Variants in PTPN6 observed in about 807,000 individuals in gnomAD.
The protein encoded by PTPN6 is protein tyrosine phosphatase non-receptor type 6.
In PTPN6, 18 loss-of-function variants were observed where a neutral mutation model predicts 81.5. The observed-to-expected ratio is 0.22, with a 90% CI of 0.15 to 0.33. The LOEUF (loss-of-function observed/expected upper bound fraction) is 0.33. PTPN6 is among the 10% of genes least tolerant of loss of function. The pLI is 1.00. For synonymous variants in PTPN6, 301 were observed against 310.9 expected (o/e 0.97, Z 0.33); for missense variants, 500 against 794.2 (o/e 0.63, Z 4.45).
At chr12:6,958,583 C>T (rs1241581998) in intron 11 of PTPN6, among the ~76,000 whole-genome samples, 6 of 152,256 alleles carry the variant, frequency 3.9e-5, no homozygotes, top group African/African-American at 1.4e-4. Context: ...AGGCAGTGCC[C>T]CATCCTGGCC....
chr12:6,951,528 C>T lies in PTPN6; in HGVS notation c.8+8C>T. 1 of 1,613,988 alleles carries T rather than the reference C, an allele frequency of 6.2e-7. No individual in the cohort carries two copies. The highest frequency in any genetic ancestry group is 8.5e-7 in the Non-Finnish European group (1 of 1,179,962). On this transcript the variant is annotated splice_region_variant and intron_variant, in intron 1 of 15. Transcript: ENST00000318974. This position sits in a 1 kb window ranked among gnomAD's most constrained non-coding sequence, Gnocchi z 7.2. Reference sequence around the variant, plus strand: ...AGCCCCCAGGATGGTGAGGTAAGGGCCTGCCACCCACGGTAGACAGGAGGC... The same window carrying T: ...AGCCCCCAGGATGGTGAGGTAAGGGTCTGCCACCCACGGTAGACAGGAGGC...
upstream of PTPN6, chr12:6,946,842 T>C: frequency 7.8e-7 from 1 of 1,287,626 alleles, no homozygotes; most frequent in South Asian, 1.3e-5. Flanking sequence ...GAGTGCGATC[T>C]GCCGCTGCCC....
At position 6,957,537 on chromosome 12, in the gene PTPN6, C is replaced by A. The variant is rs781867603; in HGVS notation, c.1075-117C>A. The A allele has an allele frequency of 1.1e-4, 156 of 1,357,498 alleles. No individual in the cohort carries two copies. Among genetic ancestry groups the A allele is most frequent in the Non-Finnish European group, 1.6e-4 (153 of 983,824 alleles). The allele number at this position is 1,357,498 out of a possible 1,614,324, so 84.1% of individuals were successfully genotyped here. The stretch of plus-strand genomic sequence containing the variant: ...GTCTCCTGCCTCTCTGCCAGCCCAT[C>A]CGTCCATCCAACAAATGTTTGGGCC... On this transcript the variant is annotated intron_variant, in intron 9 of 15. Transcript: ENST00000318974. The surrounding 1 kb of genome is among the most constrained non-coding windows in gnomAD (Gnocchi z 6.5).
chr12:6,946,616 T>G (rs1945821445), upstream of PTPN6: 1 of 866,196 alleles, frequency 1.2e-6, no homozygotes, highest in Non-Finnish European at 1.9e-6. Context: ...AGTGGCTGAT[T>G]ACTGAGCGGT....
chr12:6,959,735 G>A lies in PTPN6; in HGVS notation c.1362-192G>A, dbSNP rs782240560. On this transcript the variant is annotated intron_variant, in intron 11 of 15. Transcript: ENST00000318974. The surrounding 1 kb of genome is among the most constrained non-coding windows in gnomAD (Gnocchi z 6.6). ...AGCCAGCGTCAGCACCGCAGAGCCC[G>A]AGGTGGAGCGTGTCCATGCAGAGCT... 4.6e-6 allele frequency: 3 copies of A among 648,484 alleles called. No homozygotes were observed. Among genetic ancestry groups the A allele is most frequent in the African/African-American group, 1.8e-5 (1 of 55,406 alleles). The allele number at this position is 648,484 out of a possible 1,614,324, so 40.2% of individuals were successfully genotyped here.
Position 6,955,852 on chromosome 12 carries a change from GCC to G in PTPN6, c.844+97_844+98del. 6.8e-6 allele frequency: 8 copies of G among 1,180,340 alleles called. No individual in the cohort carries two copies. The highest frequency in any genetic ancestry group is 1.0e-5 in the Non-Finnish European group (8 of 797,114). The allele number at this position is 1,180,340 out of a possible 1,614,324, so 73.1% of individuals were successfully genotyped here. On this transcript the variant is annotated intron_variant, in intron 7 of 15. Transcript: ENST00000318974. The surrounding 1 kb of genome is among the most constrained non-coding windows in gnomAD (Gnocchi z 7.2). Reference sequence around the variant, plus strand: ...GTCTCCACCCTCCACGCCAGGAGGGGCCATCTCCCCACACCCCCCACAGAGCC... The same window carrying G: ...GTCTCCACCCTCCACGCCAGGAGGGGATCTCCCCACACCCCCCACAGAGCC...
chr12:6,949,632 T>G (rs1945891565), upstream of PTPN6, among the ~76,000 whole-genome samples: 1 of 152,166 alleles, frequency 6.6e-6, no homozygotes, highest in Non-Finnish European at 1.5e-5. Context: ...CTGGCAGCAC[T>G]GAAACCCTGC....
Position 6,960,258 on chromosome 12 carries a change from C to G in PTPN6, c.1581+19C>G. On this transcript the variant is annotated intron_variant, in intron 13 of 15. Coordinates refer to ENST00000318974, the MANE Select transcript of PTPN6 (RefSeq NM_002831.6). The surrounding 1 kb of genome is among the most constrained non-coding windows in gnomAD (Gnocchi z 6.1). Reference sequence around the variant, plus strand: ...CCTGCAGGTGCGTGCAGAGCAGGGCCTGGGGGGGGGGGGGGCTGCAGTGCA... The same window carrying G: ...CCTGCAGGTGCGTGCAGAGCAGGGCGTGGGGGGGGGGGGGGCTGCAGTGCA... 7.4e-7 allele frequency: 1 copy of G among 1,358,066 alleles called. No individual in the cohort carries two copies. Among genetic ancestry groups the G allele is most frequent in the Non-Finnish European group, 9.9e-7 (1 of 1,009,806 alleles). 84.1% of individuals were successfully genotyped at this position (1,358,066 alleles called of 1,614,324 possible). A position where few individuals can be genotyped will look rare whatever the true frequency, so the allele number is the denominator to read the frequency against.
At chr12:6,951,139 A>T, upstream of PTPN6, 1 of 1,002,894 alleles carries the variant, frequency 1.0e-6, no homozygotes. The surrounding 1 kb of genome is among the most constrained non-coding windows in gnomAD (Gnocchi z 7.2). Flanking sequence ...CAAGGCACAC[A>T]TGTGTCCTTA....
Position 6,954,691 on chromosome 12 carries a change from G to T in PTPN6, c.327-114G>T. 9.7e-7 allele frequency: 1 copy of T among 1,028,058 alleles called. No individual in the cohort carries two copies. The highest frequency in any genetic ancestry group is 2.1e-5 in the Admixed American group (1 of 48,732). 63.7% of individuals were successfully genotyped at this position (1,028,058 alleles called of 1,614,324 possible). A position where few individuals can be genotyped will look rare whatever the true frequency, so the allele number is the denominator to read the frequency against. ...GGTGGTGGATTTGGAAGCATGTAGC[G>T]CAGTGCCTGGCACACAGTAGGTGCT... On this transcript the variant is annotated intron_variant, in intron 3 of 15. Transcript: ENST00000318974. This position sits in a 1 kb window ranked among gnomAD's most constrained non-coding sequence, Gnocchi z 5.4.
At position 6,956,609 on chromosome 12, in the gene PTPN6, T is replaced by C; in HGVS notation, c.1074+41T>C. ...TTCCCCGCATCCGCCCCCGTGCTTG[T>C]GGTCATGCCATTAAGTCGAAGAGCA... On this transcript the variant is annotated intron_variant, in intron 9 of 15. Coordinates refer to ENST00000318974, the MANE Select transcript of PTPN6 (RefSeq NM_002831.6). The surrounding 1 kb of genome is among the most constrained non-coding windows in gnomAD (Gnocchi z 4.1). The C allele has an allele frequency of 6.2e-7, 1 of 1,611,644 alleles. No individual in the cohort carries two copies.
Position 6,955,884 on chromosome 12 carries a change from C to T in PTPN6, c.844+128C>T. ...CCCCACACCCCCCACAGAGCCTCCC[C>T]CTTCTCCAAAAGGCCTCTACTCCTC... On this transcript the variant is annotated intron_variant, in intron 7 of 15. Transcript: ENST00000318974. The surrounding 1 kb of genome is among the most constrained non-coding windows in gnomAD (Gnocchi z 7.2). 3 of 961,588 alleles carry T rather than the reference C, an allele frequency of 3.1e-6. 1 individual carries two copies. Among genetic ancestry groups the T allele is most frequent in the South Asian group, 2.7e-5 (2 of 72,876 alleles). 59.6% of individuals were successfully genotyped at this position (961,588 alleles called of 1,614,324 possible).
At position 6,959,655 on chromosome 12, in the gene PTPN6, A is replaced by C; in HGVS notation, c.1362-272A>C. 1 of 565,096 alleles carries C rather than the reference A, an allele frequency of 1.8e-6. No homozygotes were observed. The highest frequency in any genetic ancestry group is 3.1e-5 in the Admixed American group (1 of 32,530). 35.0% of individuals were successfully genotyped at this position (565,096 alleles called of 1,614,324 possible). On this transcript the variant is annotated intron_variant, in intron 11 of 15. Coordinates refer to ENST00000318974, the MANE Select transcript of PTPN6 (RefSeq NM_002831.6). The surrounding 1 kb of genome is among the most constrained non-coding windows in gnomAD (Gnocchi z 6.6). ...TCCGGGGTGGGGGCAGCCACTCACT[A>C]GGAGTGAGGAGTCGGCGCGAGGAGT...
In PTPN6 at chr12:6,957,207, A is replaced by G. The variant is rs1283310408; in HGVS notation, c.1075-447A>G. Reference sequence around the variant, plus strand: ...GCAGATGCCTCGTTTTTGAAGACACAGCCGGAGCGCTGCCTCCTCTGTGAA... The same window carrying G: ...GCAGATGCCTCGTTTTTGAAGACACGGCCGGAGCGCTGCCTCCTCTGTGAA... On this transcript the variant is annotated intron_variant, in intron 9 of 15. Coordinates refer to ENST00000318974, the MANE Select transcript of PTPN6 (RefSeq NM_002831.6). This position sits in a 1 kb window ranked among gnomAD's most constrained non-coding sequence, Gnocchi z 6.5. 1.3e-5 allele frequency among the ~76,000 whole-genome samples: 2 copies of G among 152,210 alleles called. No homozygotes were observed. Among genetic ancestry groups the G allele is most frequent in the African/African-American group, 4.8e-5 (2 of 41,454 alleles).
chr12:6,950,023 G>A (rs1321054896), upstream of PTPN6, among the ~76,000 whole-genome samples: 1 of 62,584 alleles, frequency 1.6e-5, no homozygotes, highest in Admixed American at 1.7e-4. Context: ...CTCGTGATCC[G>A]CCAGCCTTGG....
rs1347795918 is a variant in PTPN6, at chr12:6,961,110, T to C, written c.*26-16T>C. ...TCCAGCTACCCTCTCACTCCCTCAC[T>C]CCCTTCTCTTGGCAGCCTCAGCCCT... On this transcript the variant is annotated splice_polypyrimidine_tract_variant and intron_variant, in intron 15 of 15. Transcript: ENST00000318974. 8 of 1,146,038 alleles carry C rather than the reference T, an allele frequency of 7.0e-6. No homozygotes were observed. Among genetic ancestry groups the C allele is most frequent in the East Asian group, 5.2e-5 (2 of 38,172 alleles). 71.0% of individuals were successfully genotyped at this position (1,146,038 alleles called of 1,614,324 possible). A position where few individuals can be genotyped will look rare whatever the true frequency, so the allele number is the denominator to read the frequency against.
At position 6,955,870 on chromosome 12, in the gene PTPN6, C is replaced by CA; in HGVS notation, c.844+114_844+115insA. On this transcript the variant is annotated intron_variant, in intron 7 of 15. Transcript: ENST00000318974. This position sits in a 1 kb window ranked among gnomAD's most constrained non-coding sequence, Gnocchi z 7.2. ...AGGAGGGGCCATCTCCCCACACCCC[C>CA]CACAGAGCCTCCCCCTTCTCCAAAA... The CA allele has an allele frequency of 3.0e-6, 3 of 1,015,250 alleles. No individual in the cohort carries two copies. The highest frequency in any genetic ancestry group is 4.6e-6 in the Non-Finnish European group (3 of 654,624). The allele number at this position is 1,015,250 out of a possible 1,614,324, so 62.9% of individuals were successfully genotyped here.
Position 6,961,162 on chromosome 12 carries a change from A to G in PTPN6, c.*62A>G. The G allele has an allele frequency of 1.5e-6, 1 of 665,854 alleles. No individual in the cohort carries two copies. The highest frequency in any genetic ancestry group is 2.5e-6 in the Non-Finnish European group (1 of 405,244). The allele number at this position is 665,854 out of a possible 1,614,324, so 41.2% of individuals were successfully genotyped here. A position where few individuals can be genotyped will look rare whatever the true frequency, so the allele number is the denominator to read the frequency against. Reference sequence around the variant, plus strand: ...ACCCTGTGGAAGCATTTCGCGATGGACAGACTCACAACCTGAACCTAGGAG... The same window carrying G: ...ACCCTGTGGAAGCATTTCGCGATGGGCAGACTCACAACCTGAACCTAGGAG... On this transcript the variant is annotated 3_prime_UTR_variant, in exon 16 of 16. Coordinates refer to ENST00000318974, the MANE Select transcript of PTPN6 (RefSeq NM_002831.6).
At chr12:6,948,591 C>T (rs1233480642), upstream of PTPN6, among the ~76,000 whole-genome samples, 2 of 150,334 alleles carry the variant, frequency 1.3e-5, no homozygotes, top group African/African-American at 2.5e-5. Flanking sequence ...GACACCCAGT[C>T]GAAAGAAGAA....
Sources: allele counts gnomAD v4.1 joint callset (sites outside exome capture counted in the v4.1 genomes callset), GRCh38; gene constraint gnomAD v4.1.1; non-coding constraint Gnocchi (gnomAD v3.1); transcripts MANE v1.5; gene names NCBI Gene and HGNC (gene_info 2026-07-23, HGNC 2026-07-21).